The following AK9 variants were observed in gnomAD, a reference collection of about 807,000 sequenced individuals.
The protein encoded by AK9 is adenylate kinase domain containing 1.
A neutral mutation model predicts 239.6 loss-of-function variants in AK9; 191 were observed. The ratio of observed to expected loss-of-function variants is 0.80; its 90% CI spans 0.71 to 0.90. The LOEUF (loss-of-function observed/expected upper bound fraction) is 0.90, where lower values mean the gene tolerates loss of function less well. AK9 is among the 40% of genes least tolerant of loss of function. The probability of loss-of-function intolerance (pLI) is 0.00; values close to 1 mark genes in which losing one functional copy is unlikely to be tolerated. For synonymous variants in AK9, 689 were observed against 721.0 expected (o/e 0.96, Z 0.71); for missense variants, 1,995 against 2,214.7 (o/e 0.90, Z 1.99).
At chr6:109,560,688 T>C (rs1337921044) in intron 24 of AK9, among the ~76,000 whole-genome samples, 1 of 152,230 alleles carries the variant, frequency 6.6e-6, no homozygotes, top group Non-Finnish European at 1.5e-5. Context: ...AGAATGTCTA[T>C]ATCTATATTA....
At chr6:109,546,738 AAGG>A (rs1418606136) in intron 25 of AK9, among the ~76,000 whole-genome samples, 9 of 152,152 alleles carry the variant, frequency 5.9e-5, no homozygotes, top group Admixed American at 2.0e-4. Flanking sequence ...TTGCAAGGGG[AAGG>A]AGAAAAATTA....
chr6:109,516,677 T>C, intron 29 of AK9, 35 bp from the exon 30 acceptor site: 23 of 1,468,528 alleles, frequency 1.6e-5, no homozygotes, highest in Non-Finnish European at 2.0e-5. Flanking sequence ...ACTATACATA[T>C]AAAATATGTA....
At chr6:109,540,229 C>T (rs1253241586) in intron 27 of AK9, among the ~76,000 whole-genome samples, 1 of 152,234 alleles carries the variant, frequency 6.6e-6, no homozygotes, top group Non-Finnish European at 1.5e-5. Context: ...GTCAGGCCTC[C>T]TTGAGCTGCA....
intron 8 of AK9, among the ~76,000 whole-genome samples, chr6:109,656,113 G>A (rs919957545): frequency 3.3e-5 from 5 of 152,236 alleles, no homozygotes; most frequent in South Asian, 4.1e-4. Flanking sequence ...GGCTAAATGC[G>A]CAAGTTCAAT....
chr6:109,653,141 G>A (rs1799206262), intron 8 of AK9, among the ~76,000 whole-genome samples: 1 of 152,084 alleles, frequency 6.6e-6, no homozygotes, highest in South Asian at 2.1e-4. Context: ...TGGCCAGGCT[G>A]GTCTCAAACT....
intron 24 of AK9, among the ~76,000 whole-genome samples, chr6:109,554,875 G>C (rs1784801036): frequency 6.6e-6 from 1 of 151,984 alleles, no homozygotes; most frequent in Non-Finnish European, 1.5e-5. Flanking sequence ...TATCCCCTTT[G>C]TCATTTGTTA....
At chr6:109,607,808 A>T (rs1793088168) in intron 17 of AK9, among the ~76,000 whole-genome samples, 1 of 114,000 alleles carries the variant, frequency 8.8e-6, no homozygotes, top group Non-Finnish European at 1.9e-5. Context: ...TGTGTGTGAA[A>T]ATTGAGTAGC....
At chr6:109,614,352 T>A in intron 14 of AK9, 33 bp downstream of exon 14, 1 of 1,548,618 alleles carries the variant, frequency 6.5e-7, no homozygotes, top group Non-Finnish European at 8.7e-7. Flanking sequence ...TAGGGATGAT[T>A]TGGTCAATAA....
At chr6:109,533,599 T>C (rs1306129972) in intron 27 of AK9, 129 bp from the exon 28 acceptor site, 4 of 610,042 alleles carry the variant, frequency 6.6e-6, no homozygotes, top group African/African-American at 5.7e-5. Flanking sequence ...ATATACATTC[T>C]TTACTTGTCA....
chr6:109,514,552 T>C, intron 31 of AK9, 115 bp from the exon 32 acceptor site: 2 of 852,746 alleles, frequency 2.3e-6, no homozygotes, highest in Non-Finnish European at 3.5e-6. Context: ...CCTTACAGAA[T>C]AAGAAAACTA....
At chr6:109,539,059 T>G (rs1394759049) in intron 27 of AK9, among the ~76,000 whole-genome samples, 1 of 152,348 alleles carries the variant, frequency 6.6e-6, no homozygotes. Context: ...ATTTCAACTT[T>G]GGTGAATCTG....
At chr6:109,577,006 AT>A (rs35352839) in intron 20 of AK9, among the ~76,000 whole-genome samples, 1 of 151,668 alleles carries the variant, frequency 6.6e-6, no homozygotes, top group Non-Finnish European at 1.5e-5. Flanking sequence ...AATTTTTTGT[AT>A]TTTTAGTAGA....
intron 26 of AK9, 28 bp downstream of exon 26, chr6:109,545,839 A>C (rs1164377685): frequency 1.9e-6 from 3 of 1,572,492 alleles, no homozygotes; most frequent in Non-Finnish European, 2.6e-6. Context: ...AAACAAAACA[A>C]ACAAAAAACA....
Position 109,603,811 on chromosome 6 carries a change from C to T in AK9, c.1842+6554G>A, listed in dbSNP as rs555333517. On this transcript the variant is annotated intron_variant, in intron 17 of 40. Coordinates refer to ENST00000424296, the MANE Select transcript of AK9 (RefSeq NM_001145128.3). Reference sequence around the variant, plus strand: ...CCAGACTCACTGGCACATTGCAGTTCGATCTCAGACTGCTGTGCTAGCAAT... The same window carrying T: ...CCAGACTCACTGGCACATTGCAGTTTGATCTCAGACTGCTGTGCTAGCAAT... 1.6e-4 allele frequency among the ~76,000 whole-genome samples: 24 copies of T among 152,296 alleles called. No homozygotes were observed. In the South Asian group the frequency reaches 3.9e-3, roughly 25 times the overall value.
At chr6:109,661,517 T>C (rs1010579297) in intron 6 of AK9, among the ~76,000 whole-genome samples, 1 of 152,250 alleles carries the variant, frequency 6.6e-6, no homozygotes, top group African/African-American at 2.4e-5. Context: ...ATCTGTCTTT[T>C]CCTAGGCTTA....
intron 35 of AK9, among the ~76,000 whole-genome samples, chr6:109,499,846 C>T (rs915228561): frequency 6.6e-6 from 1 of 152,186 alleles, no homozygotes; most frequent in Admixed American, 6.5e-5. Context: ...GTGATCCACC[C>T]ACCTCGGCCT....
At chr6:109,609,357 G>A (rs1194639550) in intron 17 of AK9, among the ~76,000 whole-genome samples, 1 of 152,126 alleles carries the variant, frequency 6.6e-6, no homozygotes, top group Non-Finnish European at 1.5e-5. Context: ...TCTGCCACTA[G>A]CACATGATAA....
At chr6:109,495,196 C>A in intron 39 of AK9, 142 bp downstream of exon 39, 1 of 628,774 alleles carries the variant, frequency 1.6e-6, no homozygotes, top group Non-Finnish European at 2.5e-6. Flanking sequence ...TACATATAAA[C>A]AAAATAGGCT....
chr6:109,615,364 T>A (rs1293217865), intron 13 of AK9, among the ~76,000 whole-genome samples: 1 of 151,816 alleles, frequency 6.6e-6, no homozygotes, highest in Non-Finnish European at 1.5e-5. Context: ...TAGAATAAAG[T>A]CTAATACAAA....
Sources: allele counts gnomAD v4.1 joint callset (sites outside exome capture counted in the v4.1 genomes callset), GRCh38; gene constraint gnomAD v4.1.1; transcripts MANE v1.5; gene names NCBI Gene and HGNC (gene_info 2026-07-23, HGNC 2026-07-21).